THADA: variants seen among roughly 807,000 people sequenced by gnomAD.
THADA encodes THADA armadillo repeat containing.
Under a neutral mutation model 219.8 loss-of-function variants are expected in THADA, and 213 were observed. The ratio of observed to expected loss-of-function variants is 0.97; its 90% CI spans 0.87 to 1.09. The LOEUF is 1.09. THADA is among the 50% of genes least tolerant of loss of function. THADA has a pLI of 0.00. For missense variants in THADA, 2,956 were observed against 2,311.3 expected (o/e 1.28, Z -5.72); for synonymous variants, 1,018 against 828.9 (o/e 1.23, Z -3.92).
intron 25 of THADA, among the ~76,000 whole-genome samples, chr2:43,495,279 G>T (rs906065017): frequency 2.0e-5 from 3 of 152,008 alleles, no homozygotes; most frequent in African/African-American, 7.2e-5. Flanking sequence ...TTATAGCTAT[G>T]ATATTTATTT....
At chr2:43,273,822 C>G (rs941872203) in intron 36 of THADA, among the ~76,000 whole-genome samples, 2 of 152,104 alleles carry the variant, frequency 1.3e-5, no homozygotes, top group Admixed American at 1.3e-4. Context: ...GCTCAAGGGT[C>G]GGGGCATATG....
At chr2:43,544,186 T>C (rs1005892471) in intron 20 of THADA, among the ~76,000 whole-genome samples, 17 of 152,182 alleles carry the variant, frequency 1.1e-4, no homozygotes, top group Non-Finnish European at 2.2e-4. Context: ...TAGTTGTAGA[T>C]AAGAGTGGCG....
intron 14 of THADA, among the ~76,000 whole-genome samples, 160 bp downstream of exon 14, chr2:43,570,228 T>C (rs185494835): frequency 6.6e-6 from 1 of 152,188 alleles, no homozygotes; most frequent in African/African-American, 2.4e-5. Flanking sequence ...CTACATCAAG[T>C]AGAGTACCAA....
intron 29 of THADA, among the ~76,000 whole-genome samples, chr2:43,354,897 G>A (rs530315290): frequency 6.6e-6 from 1 of 151,942 alleles, no homozygotes; most frequent in Non-Finnish European, 1.5e-5. Flanking sequence ...GAGTTCTCAC[G>A]AGACCTGATG....
At chr2:43,396,042 C>T (rs1674003506) in intron 29 of THADA, among the ~76,000 whole-genome samples, 1 of 152,140 alleles carries the variant, frequency 6.6e-6, no homozygotes, top group African/African-American at 2.4e-5. Context: ...TAGGCATGAG[C>T]CCCCACACCA....
At chr2:43,518,329 G>C (rs533858498) in intron 22 of THADA, among the ~76,000 whole-genome samples, 1 of 152,166 alleles carries the variant, frequency 6.6e-6, no homozygotes, top group East Asian at 1.9e-4. Flanking sequence ...CCAATGAGAA[G>C]TGCCACTGTT....
intron 26 of THADA, among the ~76,000 whole-genome samples, chr2:43,433,524 A>C (rs1468241019): frequency 2.6e-5 from 4 of 151,866 alleles, no homozygotes; most frequent in Non-Finnish European, 1.5e-5. Context: ...GTGAGACTCC[A>C]TCTCAGAAAA....
intron 26 of THADA, among the ~76,000 whole-genome samples, chr2:43,441,536 C>T (rs554306318): frequency 2.8e-4 from 42 of 152,340 alleles, no homozygotes; most frequent in African/African-American, 1.0e-3. Context: ...TCACTCACTT[C>T]TGATTCTCAA....
At position 43,436,400 on chromosome 2, in the gene THADA, C is replaced by T. The variant is rs114436018; in HGVS notation, c.3837-6098G>A. 3.4e-3 allele frequency among the ~76,000 whole-genome samples: 515 copies of T among 152,266 alleles called. 1 individual carries two copies. Among genetic ancestry groups the T allele is most frequent in the African/African-American group, 0.012 (491 of 41,556 alleles). ...GAAAATGCTCTGCTCTTCCCCCAAA[C>T]TGTCATGAGCACATTAAATTTAACC... On this transcript the variant is annotated intron_variant, in intron 26 of 37. Transcript: ENST00000405975.
chr2:43,423,593 C>T (rs931160669), intron 28 of THADA, among the ~76,000 whole-genome samples: 20 of 151,958 alleles, frequency 1.3e-4, no homozygotes, highest in Non-Finnish European at 2.6e-4. Flanking sequence ...CCACTATGCC[C>T]GGCTAATTTT....
intron 30 of THADA, among the ~76,000 whole-genome samples, chr2:43,334,664 A>T (rs1666185474): frequency 6.6e-6 from 1 of 151,822 alleles, no homozygotes; most frequent in South Asian, 2.1e-4. Flanking sequence ...AGTCCCAGCT[A>T]CTCGGGAGGC....
chr2:43,389,968 T>A (rs558892307), intron 29 of THADA, among the ~76,000 whole-genome samples: 64 of 152,372 alleles, frequency 4.2e-4, no homozygotes, highest in African/African-American at 1.5e-3. Flanking sequence ...GAATATGCTA[T>A]AAATTTTCTT....
At chr2:43,246,297 C>T (rs1159123107) in intron 36 of THADA, among the ~76,000 whole-genome samples, 1 of 152,084 alleles carries the variant, frequency 6.6e-6, no homozygotes, top group African/African-American at 2.4e-5. Context: ...GAGTTTGAGA[C>T]CAGCCTGGCC....
At chr2:43,263,125 G>A (rs950766627) in intron 36 of THADA, among the ~76,000 whole-genome samples, 3 of 152,210 alleles carry the variant, frequency 2.0e-5, no homozygotes, top group African/African-American at 4.8e-5. Flanking sequence ...AATGTGTCAC[G>A]TAGTTCCCTA....
chr2:43,344,567 G>C (rs1667422984), intron 29 of THADA, among the ~76,000 whole-genome samples: 1 of 152,168 alleles, frequency 6.6e-6, no homozygotes, highest in African/African-American at 2.4e-5. Context: ...ACATCTTTAT[G>C]TTAGCTGTCG....
intron 28 of THADA, among the ~76,000 whole-genome samples, chr2:43,413,131 C>T (rs1163981579): frequency 1.3e-5 from 2 of 152,106 alleles, no homozygotes; most frequent in Non-Finnish European, 2.9e-5. Context: ...CTCTTCTCTC[C>T]TTTCTATCCT....
chr2:43,285,853 G>C (rs1406254415), intron 35 of THADA, among the ~76,000 whole-genome samples: 2 of 152,068 alleles, frequency 1.3e-5, no homozygotes, highest in African/African-American at 2.4e-5. Context: ...GCCTGGCTCA[G>C]GTAGTTCTTT....
intron 36 of THADA, among the ~76,000 whole-genome samples, chr2:43,262,174 T>A (rs6756625): frequency 6.6e-6 from 1 of 152,114 alleles, no homozygotes; most frequent in Non-Finnish European, 1.5e-5. Context: ...CCCAAAACAT[T>A]ATGTTTCTTT....
chr2:43,285,567 G>GTT (rs796871846), intron 35 of THADA, among the ~76,000 whole-genome samples: 33 of 141,426 alleles, frequency 2.3e-4, no homozygotes, highest in East Asian at 4.1e-4. Context: ...GTCTCAGGTA[G>GTT]TTTTTTTTTT....
Sources: gnomAD v4.1 joint callset for allele counts (sites outside exome capture counted in the v4.1 genomes callset) on GRCh38, gnomAD v4.1.1 for gene constraint, MANE v1.5 for transcripts, NCBI Gene and HGNC (gene_info 2026-07-23, HGNC 2026-07-21) for gene names.